The following NAA15 variants were observed in gnomAD, a reference collection of about 807,000 sequenced individuals.
NAA15 encodes the protein N-terminal acetyltransferase.
A neutral mutation model predicts 114.0 loss-of-function variants in NAA15; 34 were observed. The observed-to-expected ratio is 0.30, with a 90% CI of 0.23 to 0.40. NAA15 has a LOEUF of 0.40. NAA15 is among the 10% of genes least tolerant of loss of function. The pLI is 1.00. For missense variants in NAA15, 658 were observed against 1,004.5 expected (o/e 0.66, Z 4.66); for synonymous variants, 340 against 338.0 (o/e 1.01, Z -0.06).
chr4:139,356,941 T>C (rs1216963110), intron 10 of NAA15, among the ~76,000 whole-genome samples: 1 of 150,838 alleles, frequency 6.6e-6, no homozygotes, highest in East Asian at 1.9e-4. Flanking sequence ...GTATATTTTA[T>C]AACAGTTTGG....
chr4:139,363,316 C>A (rs903351142), intron 14 of NAA15, among the ~76,000 whole-genome samples: 1 of 152,208 alleles, frequency 6.6e-6, no homozygotes, highest in Non-Finnish European at 1.5e-5. Context: ...GATCCCCTTT[C>A]ACTTTTCTCC....
At chr4:139,383,606 G>A (rs1748810929) in intron 17 of NAA15, among the ~76,000 whole-genome samples, 1 of 152,140 alleles carries the variant, frequency 6.6e-6, no homozygotes, top group Admixed American at 6.5e-5. Context: ...GAGTAGCTGG[G>A]ACCACAGGCA....
chr4:139,301,831 G>T lies in NAA15; in HGVS notation c.54G>T (p.Leu18Phe). ...PKENALFKRI[L>F]RCYEHKQYRN... ...AGAATGCGCTCTTCAAGCGGATCTTGGTAAGTGTGAGGCTCCGGGCAAGCG... is the reference window on the plus strand; with the variant it reads ...AGAATGCGCTCTTCAAGCGGATCTTTGTAAGTGTGAGGCTCCGGGCAAGCG... The change falls in exon 1 of 20, where the codon TTG becomes TTT. Residue 18 changes from leucine (L) to phenylalanine (F), a missense_variant and splice_region_variant. Leu to Phe is a conservative substitution (Grantham distance 22). Around this residue, in one of 6 missense-constraint regions of NAA15, gnomAD observed 2 missense variants for 18.2 expected, o/e 0.11. Transcript: ENST00000296543. 1 of 1,592,816 alleles carries T rather than the reference G, an allele frequency of 6.3e-7. No homozygotes were observed. Among genetic ancestry groups the T allele is most frequent in the East Asian group, 2.3e-5 (1 of 43,168 alleles).
intron 1 of NAA15, among the ~76,000 whole-genome samples, chr4:139,325,677 TTTG>T (rs1410254170): frequency 4.6e-5 from 7 of 152,184 alleles, no homozygotes; most frequent in African/African-American, 1.7e-4. Context: ...GAGACAGTGT[TTTG>T]TTCTGTCGCT....
chr4:139,337,614 A>G (rs964829774), intron 3 of NAA15, among the ~76,000 whole-genome samples: 3 of 152,222 alleles, frequency 2.0e-5, no homozygotes, highest in African/African-American at 7.2e-5. Context: ...CTGAGGGAGG[A>G]TAGAGAAAAA....
At chr4:139,351,637 T>C in intron 9 of NAA15, 26 bp downstream of exon 9, 1 of 1,151,826 alleles carries the variant, frequency 8.7e-7, no homozygotes, top group Non-Finnish European at 1.3e-6. Context: ...ATACTTTCTT[T>C]TGGCTACCAT....
Position 139,313,173 on chromosome 4 carries a change from C to A in NAA15, c.54+11342C>A, listed in dbSNP as rs562596599. 1.8e-4 allele frequency among the ~76,000 whole-genome samples: 27 copies of A among 151,942 alleles called. 1 individual carries two copies. The highest frequency in any genetic ancestry group is 6.3e-4 in the African/African-American group (26 of 41,398). ...AAGTTTGCTTTTAAAAACAGTAGAC[C>A]TAGGGAAAAAAAGCCTGGCCTTGGT... On this transcript the variant is annotated intron_variant, in intron 1 of 19. Transcript: ENST00000296543.
At chr4:139,325,387 A>G (rs1258500688) in intron 1 of NAA15, among the ~76,000 whole-genome samples, 1 of 152,164 alleles carries the variant, frequency 6.6e-6, no homozygotes, top group African/African-American at 2.4e-5. Flanking sequence ...ATAGTCTTAA[A>G]TTTTGCCACT....
intron 1 of NAA15, among the ~76,000 whole-genome samples, chr4:139,320,679 C>G (rs1370841597): frequency 6.6e-6 from 1 of 152,178 alleles, no homozygotes; most frequent in Non-Finnish European, 1.5e-5. Context: ...TGCCACCACG[C>G]CTGGCTAATT....
At chr4:139,330,679 A>T (rs925868175) in intron 1 of NAA15, among the ~76,000 whole-genome samples, 1 of 152,122 alleles carries the variant, frequency 6.6e-6, no homozygotes, top group Admixed American at 6.6e-5. Flanking sequence ...GGCGAGAAAA[A>T]TCAGTTGTAT....
chr4:139,320,602 C>G (rs560458170), intron 1 of NAA15, among the ~76,000 whole-genome samples: 1 of 152,222 alleles, frequency 6.6e-6, no homozygotes, highest in African/African-American at 2.4e-5. Flanking sequence ...CTCACTGCAA[C>G]CTCCATCTCC....
intron 3 of NAA15, among the ~76,000 whole-genome samples, chr4:139,340,222 T>A (rs1478955165): frequency 6.6e-6 from 1 of 152,116 alleles, no homozygotes. Context: ...CTCAGGAGGC[T>A]GAGGTGGGAG....
chr4:139,341,876 C>T (rs980171389), intron 4 of NAA15, among the ~76,000 whole-genome samples: 3 of 151,836 alleles, frequency 2.0e-5, no homozygotes, highest in African/African-American at 7.3e-5. Flanking sequence ...CATGTGCCAC[C>T]ATGCCCAGCT....
chr4:139,374,769 A>T (rs1401006138), intron 15 of NAA15, among the ~76,000 whole-genome samples: 10 of 152,178 alleles, frequency 6.6e-5, no homozygotes, highest in Admixed American at 6.5e-4. Flanking sequence ...CTTACCTATG[A>T]GAAGTAAACA....
Position 139,317,590 on chromosome 4 carries a change from C to T in NAA15, c.54+15759C>T, listed in dbSNP as rs973127619. Among the ~76,000 whole-genome samples, 3 of 152,152 alleles carry T rather than the reference C, an allele frequency of 2.0e-5. No individual in the cohort carries two copies. The South Asian group carries it at 6.2e-4, about 32-fold the overall frequency. On this transcript the variant is annotated intron_variant, in intron 1 of 19. Transcript: ENST00000296543. ...GAGCCCAGATCATGCCACTGCACTC[C>T]AGCCTGGGTGACAGAGCAAGACACT...
In NAA15 at chr4:139,387,932, T is replaced by C; in HGVS notation, c.2449T>C (p.Cys817Arg). The C allele has an allele frequency of 6.2e-7, 1 of 1,614,044 alleles. No homozygotes were observed. Among genetic ancestry groups the C allele is most frequent in the East Asian group, 2.2e-5 (1 of 44,856 alleles). Residue 817 changes from cysteine to arginine, a missense_variant, in exon 20 of 20, where the codon TGT becomes CGT. Physicochemically the swap from Cys to Arg is radical, Grantham distance 180. Transcript: ENST00000296543. ...CTTGTATGATGGTAGCCTAGGAGAC[T>C]GTAAAGAAGCTGCTGAAATTTATAG... The part of the protein sequence containing the change: ...EALYDGSLGD[C>R]KEAAEIYRAN...
At chr4:139,335,215 T>C (rs988461846) in intron 2 of NAA15, among the ~76,000 whole-genome samples, 3 of 152,284 alleles carry the variant, frequency 2.0e-5, no homozygotes, top group African/African-American at 7.2e-5. Context: ...TCTCTCTTTT[T>C]CCATATTAAA....
intron 11 of NAA15, among the ~76,000 whole-genome samples, chr4:139,358,185 G>GTTTTT (rs1183364112): frequency 7.5e-6 from 1 of 133,888 alleles, no homozygotes; most frequent in Non-Finnish European, 1.5e-5. Flanking sequence ...GTTTGTTTTT[G>GTTTTT]TTTTTGTTTT....
At chr4:139,339,179 TTTTTC>T (rs1169773129) in intron 3 of NAA15, among the ~76,000 whole-genome samples, 14 of 152,126 alleles carry the variant, frequency 9.2e-5, no homozygotes, top group Admixed American at 6.5e-4. Flanking sequence ...TGGACTTCCG[TTTTTC>T]TTTTGAGTGT....
Sources: allele counts gnomAD v4.1 joint callset (sites outside exome capture counted in the v4.1 genomes callset), GRCh38; gene constraint gnomAD v4.1.1; regional missense constraint gnomAD v4.1.1; transcripts MANE v1.5; gene names NCBI Gene and HGNC (gene_info 2026-07-23, HGNC 2026-07-21).